KCNH7: variants seen among roughly 807,000 people sequenced by gnomAD.
KCNH7 encodes voltage-gated inwardly rectifying potassium channel KCNH7.
KCNH7 carries 49 observed loss-of-function variants against 120.8 expected under a neutral mutation model. That is an observed-to-expected ratio of 0.41 (90% CI 0.32 to 0.51). The LOEUF (loss-of-function observed/expected upper bound fraction) is 0.51, where lower values mean the gene tolerates loss of function less well. Ranked by LOEUF, KCNH7 falls within the 20% of genes least tolerant of loss-of-function variation. The pLI is 0.38. For synonymous variants in KCNH7, 547 were observed against 516.1 expected (o/e 1.06, Z -0.81); for missense variants, 1,097 against 1,446.6 (o/e 0.76, Z 3.92).
intron 2 of KCNH7, among the ~76,000 whole-genome samples, chr2:162,575,505 AC>A (rs1693639166): frequency 6.6e-6 from 1 of 151,956 alleles, no homozygotes; most frequent in African/African-American, 2.4e-5. Flanking sequence ...CAGTTGAGTC[AC>A]CCCCTTAACT....
At position 162,624,878 on chromosome 2, in the gene KCNH7, G is replaced by A. The variant is rs535209408; in HGVS notation, c.308-87798C>T. 1.6e-4 allele frequency among the ~76,000 whole-genome samples: 24 copies of A among 146,986 alleles called. No individual in the cohort carries two copies. In the South Asian group the frequency reaches 1.7e-3, roughly 11 times the overall value. On this transcript the variant is annotated intron_variant, in intron 2 of 15. Transcript: ENST00000332142. ...GTTTCAAGGAGCATGGTGGTTAAAC[G>A]TGCACTCTTGGTTTTTTTTTTTTTT...
At chr2:162,641,875 A>G (rs1684169670) in intron 2 of KCNH7, among the ~76,000 whole-genome samples, 1 of 150,044 alleles carries the variant, frequency 6.7e-6, no homozygotes, top group African/African-American at 2.5e-5. Flanking sequence ...TTATCCCAGA[A>G]TAAAAAGCTT....
Position 162,371,918 on chromosome 2 carries a change from G to A in KCNH7, c.3502C>T (p.His1168Tyr). Residue 1168 changes from histidine (H) to tyrosine (Y), a missense_variant, in exon 16 of 16, where the codon CAT becomes TAT. Around this residue, in one of 8 missense-constraint regions of KCNH7, gnomAD observed 406 missense variants for 410.5 expected, o/e 0.99. Transcript: ENST00000332142. ...AGGGATGAATCTGGCAAAGAAGGAT[G>A]CCTAATTGGATGAACGTAAGTTTTT... ...QRKTYVHPIRHPSLPDSSLST... is the reference protein window; with the variant it reads ...QRKTYVHPIRYPSLPDSSLST... 1 of 1,613,774 alleles carries A rather than the reference G, an allele frequency of 6.2e-7. No homozygotes were observed. The highest frequency in any genetic ancestry group is 1.3e-5 in the African/African-American group (1 of 75,030).
At chr2:162,776,980 T>C (rs773347697) in intron 2 of KCNH7, among the ~76,000 whole-genome samples, 3 of 152,182 alleles carry the variant, frequency 2.0e-5, no homozygotes, top group Non-Finnish European at 4.4e-5. Flanking sequence ...CTGTTCTCAA[T>C]TCTTTGTTAC....
chr2:162,553,361 C>A (rs1258210758), intron 2 of KCNH7, among the ~76,000 whole-genome samples: 1 of 152,190 alleles, frequency 6.6e-6, no homozygotes, highest in Admixed American at 6.5e-5. Context: ...ATTAGCATAA[C>A]ATGCTGCTGT....
At chr2:162,399,704 G>A (rs1327385869) in intron 10 of KCNH7, among the ~76,000 whole-genome samples, 1 of 151,816 alleles carries the variant, frequency 6.6e-6, no homozygotes, top group African/African-American at 2.4e-5. Context: ...CCTAGTTAAG[G>A]ACTGTATGAT....
chr2:162,834,889 G>T (rs1403500349), intron 2 of KCNH7, among the ~76,000 whole-genome samples: 1 of 152,016 alleles, frequency 6.6e-6, no homozygotes, highest in South Asian at 2.1e-4. Flanking sequence ...TCCCTGAAAT[G>T]GTCTAGAAAA....
chr2:162,449,780 A>T (rs1688704881), intron 6 of KCNH7, among the ~76,000 whole-genome samples: 1 of 152,094 alleles, frequency 6.6e-6, no homozygotes, highest in South Asian at 2.1e-4. Flanking sequence ...AGACCACAGA[A>T]TTGTGCAAAA....
intron 2 of KCNH7, among the ~76,000 whole-genome samples, chr2:162,586,664 C>T (rs1429377682): frequency 2.5e-3 from 335 of 133,870 alleles, no homozygotes; most frequent in Non-Finnish European, 4.5e-3. Context: ...GGTTTCTTTC[C>T]TTTTTTTTTT....
chr2:162,470,598 G>T (rs368219736), intron 6 of KCNH7, among the ~76,000 whole-genome samples: 3 of 150,076 alleles, frequency 2.0e-5, no homozygotes, highest in African/African-American at 7.4e-5. Flanking sequence ...CCGCCAGGCC[G>T]GCCGCCCCAT....
chr2:162,767,350 A>G (rs1048584166), intron 2 of KCNH7, among the ~76,000 whole-genome samples: 4 of 152,138 alleles, frequency 2.6e-5, no homozygotes, highest in Non-Finnish European at 5.9e-5. Context: ...TAGAAATTTT[A>G]CCAATTTACA....
chr2:162,501,350 T>A (rs1442134600), intron 6 of KCNH7, among the ~76,000 whole-genome samples: 1 of 152,064 alleles, frequency 6.6e-6, no homozygotes, highest in Non-Finnish European at 1.5e-5. Context: ...TCCAGCAGTT[T>A]GAAAAAGGCT....
intron 2 of KCNH7, among the ~76,000 whole-genome samples, chr2:162,538,790 A>G (rs1363308117): frequency 6.6e-6 from 1 of 152,078 alleles, no homozygotes; most frequent in African/African-American, 2.4e-5. Context: ...AATTGTTTCT[A>G]TGGGTAAATA....
intron 12 of KCNH7, among the ~76,000 whole-genome samples, chr2:162,393,311 T>C (rs1054747101): frequency 1.4e-4 from 22 of 152,018 alleles, no homozygotes; most frequent in African/African-American, 5.1e-4. Context: ...GGCAGTTGGA[T>C]ATGTGGGACT....
At chr2:162,725,217 G>C (rs1687472055) in intron 2 of KCNH7, among the ~76,000 whole-genome samples, 1 of 151,982 alleles carries the variant, frequency 6.6e-6, no homozygotes, top group African/African-American at 2.4e-5. Context: ...TATTCACTTT[G>C]ATTATATGCA....
intron 9 of KCNH7, among the ~76,000 whole-genome samples, chr2:162,410,614 A>C (rs535467188): frequency 1.3e-5 from 2 of 152,222 alleles, no homozygotes; most frequent in South Asian, 4.1e-4. Flanking sequence ...TAATTAAATG[A>C]AAGAGATTCT....
chr2:162,776,137 A>G (rs1006893007), intron 2 of KCNH7, among the ~76,000 whole-genome samples: 22 of 152,326 alleles, frequency 1.4e-4, no homozygotes, highest in Middle Eastern at 3.4e-3. Flanking sequence ...TCATTTATTT[A>G]GCAGGTATTT....
In KCNH7 at chr2:162,612,583, A is replaced by G. The variant is rs920048987; in HGVS notation, c.308-75503T>C. Among the ~76,000 whole-genome samples the G allele has an allele frequency of 2.0e-5, 3 of 152,132 alleles. No individual in the cohort carries two copies. The South Asian group carries it at 6.2e-4, about 32-fold the overall frequency. On this transcript the variant is annotated intron_variant, in intron 2 of 15. Transcript: ENST00000332142. ...AACATCTGGCAAAAGGAAATGACAC[A>G]TCTTAGGATTTCCAGAGATAAGACC...
At chr2:162,372,340 T>G (rs537553135) in intron 15 of KCNH7, among the ~76,000 whole-genome samples, 2 of 152,152 alleles carry the variant, frequency 1.3e-5, no homozygotes, top group Admixed American at 6.5e-5. Context: ...AAAATCAGAT[T>G]TAAAAAAATA....
Sources: allele counts gnomAD v4.1 joint callset (sites outside exome capture counted in the v4.1 genomes callset), GRCh38; gene constraint gnomAD v4.1.1; regional missense constraint gnomAD v4.1.1; transcripts MANE v1.5; gene names NCBI Gene and HGNC (gene_info 2026-07-23, HGNC 2026-07-21).